The following OR2L13 variants were observed in gnomAD, a reference collection of about 807,000 sequenced individuals.
The protein encoded by OR2L13 is olfactory receptor family 2 subfamily L member 13.
A neutral mutation model predicts 15.3 loss-of-function variants in OR2L13; 14 were observed. That is an observed-to-expected ratio of 0.91 (90% CI 0.60 to 1.43). The LOEUF (loss-of-function observed/expected upper bound fraction) is 1.43, where lower values mean the gene tolerates loss of function less well. Among genes scored for constraint, OR2L13 ranks in the 40% most tolerant of loss-of-function variants. The pLI is 0.00. For missense variants in OR2L13, 367 were observed against 387.9 expected (o/e 0.95, Z 0.45); for synonymous variants, 152 against 142.9 (o/e 1.06, Z -0.45).
At chr1:248,015,175 C>T in the OR2L13 span, among the ~76,000 whole-genome samples, 1 of 152,182 alleles carries the variant, frequency 6.6e-6, no homozygotes, top group Non-Finnish European at 1.5e-5. Context: ...AATTCATACC[C>T]TTCTCAACAA....
chr1:248,013,974 A>G, the OR2L13 span, among the ~76,000 whole-genome samples: 99 of 152,166 alleles, frequency 6.5e-4, no homozygotes, highest in Admixed American at 2.3e-3. Context: ...ATGATGATCA[A>G]TGGAAGAGAT....
At chr1:247,956,551 T>C in the OR2L13 span, among the ~76,000 whole-genome samples, 123,692 of 148,272 alleles carry the variant, frequency 0.83, 55,240 homozygotes, top group Non-Finnish European at 0.98. Flanking sequence ...GCCATTTTCA[T>C]GATATTGATT....
the OR2L13 span, chr1:247,990,203 G>T: frequency 1.6e-6 from 1 of 628,286 alleles, no homozygotes; most frequent in Non-Finnish European, 2.9e-6. Context: ...CTGCAGATAA[G>T]GGGGAACTAC....
chr1:248,040,010 A>G, the OR2L13 span: 1 of 152,176 alleles, frequency 6.6e-6, no homozygotes, highest in South Asian at 2.1e-4. Flanking sequence ...AGTGTGGAGT[A>G]GGTTATTTGA....
At chr1:247,958,544 T>G in the OR2L13 span, among the ~76,000 whole-genome samples, 1 of 152,336 alleles carries the variant, frequency 6.6e-6, no homozygotes, top group African/African-American at 2.4e-5. Context: ...CAGTGGGGTG[T>G]TAAAGTCTCC....
the OR2L13 span, among the ~76,000 whole-genome samples, chr1:248,014,858 A>G: frequency 6.6e-6 from 1 of 152,152 alleles, no homozygotes; most frequent in Non-Finnish European, 1.5e-5. Context: ...TAGTAATTGT[A>G]AGAGCTAGGA....
the OR2L13 span, among the ~76,000 whole-genome samples, chr1:248,068,421 A>C: frequency 6.6e-6 from 1 of 152,182 alleles, no homozygotes; most frequent in East Asian, 1.9e-4. Context: ...ACTGCAACAG[A>C]CCTGCAGCTG....
At chr1:248,016,244 A>G in the OR2L13 span, among the ~76,000 whole-genome samples, 2 of 152,252 alleles carry the variant, frequency 1.3e-5, no homozygotes, top group African/African-American at 2.4e-5. Context: ...CACCATTTGT[A>G]GAATTGTAAT....
chr1:247,959,128 G>T, the OR2L13 span, among the ~76,000 whole-genome samples: 1 of 152,004 alleles, frequency 6.6e-6, no homozygotes, highest in Non-Finnish European at 1.5e-5. Context: ...GCTCTTTTAG[G>T]TCAGGCCTGG....
At chr1:248,005,021 G>T in the OR2L13 span, among the ~76,000 whole-genome samples, 2 of 152,110 alleles carry the variant, frequency 1.3e-5, no homozygotes, top group South Asian at 4.1e-4. Context: ...GGTGGGAAGG[G>T]TGCAGGGGAG....
At chr1:247,945,484 T>G in the OR2L13 span, among the ~76,000 whole-genome samples, 1 of 151,914 alleles carries the variant, frequency 6.6e-6, no homozygotes, top group Non-Finnish European at 1.5e-5. Context: ...ATATTGTTTT[T>G]GGATGGAGAG....
chr1:248,038,992 C>A, the OR2L13 span: 1 of 1,613,940 alleles, frequency 6.2e-7, no homozygotes, highest in Non-Finnish European at 8.5e-7. Flanking sequence ...ACCTGTAGCA[C>A]CCACCTCACT....
chr1:248,024,595 G>A, the OR2L13 span, among the ~76,000 whole-genome samples: 6 of 152,086 alleles, frequency 3.9e-5, no homozygotes, highest in Non-Finnish European at 8.8e-5. Flanking sequence ...AAGGTGTAAG[G>A]AAGGGATCCA....
the OR2L13 span, among the ~76,000 whole-genome samples, chr1:247,994,266 G>A: frequency 5.9e-5 from 9 of 152,198 alleles, no homozygotes; most frequent in Non-Finnish European, 7.4e-5. Context: ...GCGTGGTGGC[G>A]GGCGCCTGTA....
At chr1:248,022,043 C>T in the OR2L13 span, 14 of 1,613,970 alleles carry the variant, frequency 8.7e-6, no homozygotes, top group Non-Finnish European at 1.2e-5. Context: ...TCTTTGTTCT[C>T]ATTTTCCTAA....
the OR2L13 span, among the ~76,000 whole-genome samples, chr1:247,981,963 C>G: frequency 1.3e-5 from 2 of 151,900 alleles, no homozygotes; most frequent in Non-Finnish European, 2.9e-5. Flanking sequence ...CTGCAGGCTC[C>G]CGCCACCACG....
chr1:247,968,977 C>T, the OR2L13 span, among the ~76,000 whole-genome samples: 21 of 152,154 alleles, frequency 1.4e-4, no homozygotes, highest in African/African-American at 4.8e-4. Context: ...TAAAAGTGTT[C>T]CTATTTCTCC....
chr1:248,020,737 G>A, the OR2L13 span, among the ~76,000 whole-genome samples: 1 of 151,956 alleles, frequency 6.6e-6, no homozygotes, highest in African/African-American at 2.4e-5. Flanking sequence ...GTCTGACTTA[G>A]AGAAAGTTTG....
the OR2L13 span, among the ~76,000 whole-genome samples, chr1:247,991,648 C>T: frequency 6.7e-6 from 1 of 149,170 alleles, no homozygotes; most frequent in Non-Finnish European, 1.5e-5. Flanking sequence ...TCAATGTTTC[C>T]CTCGTGAGTA....
Sources: gnomAD v4.1 joint callset for allele counts (sites outside exome capture counted in the v4.1 genomes callset) on GRCh38, gnomAD v4.1.1 for gene constraint, MANE v1.5 for transcripts, NCBI Gene and HGNC (gene_info 2026-07-23, HGNC 2026-07-21) for gene names.